The following TBC1D22A variants were observed in gnomAD, a reference collection of about 807,000 sequenced individuals.
The protein encoded by TBC1D22A is TBC1 domain family member 22A.
TBC1D22A carries 38 observed loss-of-function variants against 60.2 expected under a neutral mutation model. The observed-to-expected ratio is 0.63, with a 90% CI of 0.49 to 0.83. The LOEUF is 0.83. TBC1D22A is among the 40% of genes least tolerant of loss of function. The probability of loss-of-function intolerance (pLI) is 0.00; values close to 1 mark genes in which losing one functional copy is unlikely to be tolerated. For missense variants in TBC1D22A, 628 were observed against 701.0 expected, an observed-to-expected ratio of 0.90 and a Z score of 1.18; for synonymous variants, 302 against 281.7, an observed-to-expected ratio of 1.07 and a Z score of -0.72.
intron 4 of TBC1D22A, among the ~76,000 whole-genome samples, chr22:46,803,560 C>G (rs555528701): frequency 3.3e-5 from 5 of 152,202 alleles, no homozygotes; most frequent in Admixed American, 6.5e-5. Context: ...GTCTTTGCAG[C>G]CTGGGCTTCA....
intron 11 of TBC1D22A, among the ~76,000 whole-genome samples, chr22:47,086,040 G>T (rs949319429): frequency 2.0e-5 from 3 of 152,206 alleles, no homozygotes; most frequent in Admixed American, 1.3e-4. Flanking sequence ...CTAGAATCAA[G>T]AATTTAGTAG....
At chr22:46,922,878 C>G (rs1227737468) in intron 8 of TBC1D22A, among the ~76,000 whole-genome samples, 1 of 152,124 alleles carries the variant, frequency 6.6e-6, no homozygotes, top group Non-Finnish European at 1.5e-5. Context: ...ATTGCAAACA[C>G]TTTTATTTCC....
At chr22:47,038,303 C>T (rs779221188) in intron 11 of TBC1D22A, among the ~76,000 whole-genome samples, 2 of 152,322 alleles carry the variant, frequency 1.3e-5, no homozygotes, top group South Asian at 4.1e-4. Context: ...TGCAGGGGGG[C>T]AGCTGCCCTT....
chr22:47,039,591 G>A (rs1160174565), intron 11 of TBC1D22A, among the ~76,000 whole-genome samples: 2 of 151,784 alleles, frequency 1.3e-5, no homozygotes, highest in Non-Finnish European at 2.9e-5. Context: ...ATTGTCATGA[G>A]GGTGACAAAA....
chr22:46,948,003 G>A (rs2072656749), intron 8 of TBC1D22A, among the ~76,000 whole-genome samples: 1 of 152,200 alleles, frequency 6.6e-6, no homozygotes, highest in Non-Finnish European at 1.5e-5. Context: ...AATGAGAGAA[G>A]GACGCTCTTT....
At chr22:46,908,652 A>G (rs541833827) in intron 7 of TBC1D22A, among the ~76,000 whole-genome samples, 128 of 152,262 alleles carry the variant, frequency 8.4e-4, no homozygotes, top group African/African-American at 3.0e-3. Flanking sequence ...ATTACTACCC[A>G]GGCTGGTGCG....
intron 1 of TBC1D22A, among the ~76,000 whole-genome samples, chr22:46,785,926 A>C (rs1039202358): frequency 6.6e-6 from 1 of 152,178 alleles, no homozygotes; most frequent in African/African-American, 2.4e-5. Flanking sequence ...GACCACAGAC[A>C]TGCATCATCA....
At chr22:47,127,384 C>T (rs899287821) in intron 12 of TBC1D22A, among the ~76,000 whole-genome samples, 4 of 144,554 alleles carry the variant, frequency 2.8e-5, no homozygotes, top group Admixed American at 7.2e-5. Flanking sequence ...TGTGCTACCA[C>T]GCCCAGCTGA....
chr22:47,035,061 A>G (rs1292005791), intron 10 of TBC1D22A, among the ~76,000 whole-genome samples: 1 of 152,116 alleles, frequency 6.6e-6, no homozygotes, highest in Admixed American at 6.5e-5. Flanking sequence ...AAGTGTGGGC[A>G]TCTGTGGCCG....
intron 2 of TBC1D22A, among the ~76,000 whole-genome samples, 164 bp from the exon 3 acceptor site, chr22:46,793,337 C>T (rs929394599): frequency 6.6e-6 from 1 of 152,258 alleles, no homozygotes; most frequent in East Asian, 1.9e-4. Flanking sequence ...TTCGCCTGCT[C>T]TTCTTTTGGC....
chr22:47,011,237 G>A (rs559842941), intron 10 of TBC1D22A, among the ~76,000 whole-genome samples: 1 of 152,250 alleles, frequency 6.6e-6, no homozygotes, highest in South Asian at 2.1e-4. Context: ...TGTCCTGTGG[G>A]CTCAGGGGAC....
At chr22:47,074,798 C>G (rs925528903) in intron 11 of TBC1D22A, among the ~76,000 whole-genome samples, 3 of 152,214 alleles carry the variant, frequency 2.0e-5, no homozygotes, top group Non-Finnish European at 4.4e-5. Flanking sequence ...GCCAACAGAT[C>G]AAGTCTGCAC....
intron 4 of TBC1D22A, among the ~76,000 whole-genome samples, chr22:46,820,621 C>T (rs924456029): frequency 6.6e-6 from 1 of 152,292 alleles, no homozygotes; most frequent in Non-Finnish European, 1.5e-5. Context: ...AGTTCTTTTG[C>T]ATTTGCTGAG....
At chr22:47,120,292 A>G (rs113836124) in intron 12 of TBC1D22A, among the ~76,000 whole-genome samples, 9 of 152,300 alleles carry the variant, frequency 5.9e-5, no homozygotes, top group African/African-American at 1.7e-4. Context: ...TAAATCAACA[A>G]CCACCAGTAC....
rs369644320 is a variant in TBC1D22A, at chr22:47,169,855, G to A, written c.1426-3643G>A. ...AGTTAAGAATGAAAATGCAAGTGCC[G>A]TCTATAGTTTTCTGGGCTGGGCCCT... is the stretch of plus-strand genomic sequence containing the variant. On this transcript the variant is annotated intron_variant, in intron 12 of 12. Coordinates refer to ENST00000337137, the MANE Select transcript of TBC1D22A (RefSeq NM_014346.5). 7.2e-5 allele frequency among the ~76,000 whole-genome samples: 11 copies of A among 152,300 alleles called. No homozygotes were observed. The South Asian group carries it at 8.3e-4, about 11-fold the overall frequency.
At chr22:46,880,154 A>G (rs1769205286) in intron 5 of TBC1D22A, among the ~76,000 whole-genome samples, 1 of 152,232 alleles carries the variant, frequency 6.6e-6, no homozygotes, top group Non-Finnish European at 1.5e-5. Context: ...TCCTGACGAC[A>G]TGTGCCCAAG....
chr22:46,966,343 C>T (rs955079248), intron 8 of TBC1D22A, among the ~76,000 whole-genome samples: 9 of 152,150 alleles, frequency 5.9e-5, no homozygotes, highest in Non-Finnish European at 1.2e-4. Context: ...CTGTAACAGA[C>T]GGTCGAAAGC....
At chr22:46,911,164 C>T (rs1443883424) in intron 7 of TBC1D22A, among the ~76,000 whole-genome samples, 5 of 151,736 alleles carry the variant, frequency 3.3e-5, no homozygotes, top group South Asian at 2.1e-4. Flanking sequence ...AAGATGGGAG[C>T]GAGTAGGTGG....
chr22:46,771,829 A>G (rs1171690922), intron 1 of TBC1D22A, among the ~76,000 whole-genome samples: 1 of 151,928 alleles, frequency 6.6e-6, no homozygotes, highest in Non-Finnish European at 1.5e-5. Flanking sequence ...TCCTGACCTC[A>G]AGTGATCCAC....
Sources: allele counts gnomAD v4.1 joint callset (sites outside exome capture counted in the v4.1 genomes callset), GRCh38; gene constraint gnomAD v4.1.1; transcripts MANE v1.5; gene names NCBI Gene and HGNC (gene_info 2026-07-23, HGNC 2026-07-21).